BMPR1A: variants seen among roughly 807,000 people sequenced by gnomAD.
BMPR1A encodes the protein bone morphogenetic protein receptor type-1A.
In BMPR1A, 7 loss-of-function variants were observed where a neutral mutation model predicts 66.0. That is an observed-to-expected ratio of 0.11 (90% CI 0.06 to 0.20). The LOEUF is 0.20. BMPR1A is among the 10% of genes least tolerant of loss of function. The pLI is 1.00. For missense variants in BMPR1A, 408 were observed against 669.1 expected, an observed-to-expected ratio of 0.61 and a Z score of 4.31; for synonymous variants, 200 against 229.7, an observed-to-expected ratio of 0.87 and a Z score of 1.17.
chr10:86,770,040 G>A (rs1216566242), intron 1 of BMPR1A, among the ~76,000 whole-genome samples: 2 of 151,922 alleles, frequency 1.3e-5, no homozygotes, highest in East Asian at 1.9e-4. Context: ...ACCTATAATC[G>A]CAGTACTTTG....
At chr10:86,832,673 A>G (rs574980449) in intron 1 of BMPR1A, among the ~76,000 whole-genome samples, 19 of 152,292 alleles carry the variant, frequency 1.2e-4, no homozygotes, top group African/African-American at 4.3e-4. Context: ...AACATACAGT[A>G]TGCAGTATTT....
intron 1 of BMPR1A, among the ~76,000 whole-genome samples, chr10:86,770,660 T>C (rs951268631): frequency 6.6e-6 from 1 of 152,150 alleles, no homozygotes; most frequent in African/African-American, 2.4e-5. Flanking sequence ...GCTAGCTCTC[T>C]TGGACTGGGT....
chr10:86,822,412 G>A (rs1173160939), intron 1 of BMPR1A, among the ~76,000 whole-genome samples: 1 of 152,072 alleles, frequency 6.6e-6, no homozygotes, highest in Non-Finnish European at 1.5e-5. Context: ...CACTTCAATG[G>A]TTTTTAGTAT....
intron 1 of BMPR1A, among the ~76,000 whole-genome samples, chr10:86,792,366 A>C (rs1256738567): frequency 6.6e-6 from 1 of 152,134 alleles, no homozygotes; most frequent in Non-Finnish European, 1.5e-5. Flanking sequence ...TGCCTGGCCT[A>C]CTGTCAGATC....
At chr10:86,876,899 A>C (rs1842927332) in intron 3 of BMPR1A, among the ~76,000 whole-genome samples, 1 of 152,208 alleles carries the variant, frequency 6.6e-6, no homozygotes, top group Non-Finnish European at 1.5e-5. Flanking sequence ...CCAATAAAGT[A>C]ATTTTGCTAC....
intron 1 of BMPR1A, among the ~76,000 whole-genome samples, chr10:86,807,842 C>G (rs1370041543): frequency 1.2e-4 from 18 of 152,228 alleles, no homozygotes; most frequent in Non-Finnish European, 2.5e-4. Context: ...TCTTGGCTCA[C>G]TGCAACCTCT....
chr10:86,872,550 CTT>C (rs1003972777), intron 2 of BMPR1A, among the ~76,000 whole-genome samples: 1 of 151,892 alleles, frequency 6.6e-6, no homozygotes, highest in African/African-American at 2.4e-5. Context: ...GGTTTGATAA[CTT>C]AATATATGCA....
chr10:86,842,053 G>A (rs1030178174), intron 2 of BMPR1A, among the ~76,000 whole-genome samples: 2 of 152,184 alleles, frequency 1.3e-5, no homozygotes, highest in African/African-American at 4.8e-5. Context: ...CCTGAAAAAG[G>A]GGTTGTGGGT....
chr10:86,782,513 T>G (rs1237223569), intron 1 of BMPR1A, among the ~76,000 whole-genome samples: 1 of 152,172 alleles, frequency 6.6e-6, no homozygotes, highest in African/African-American at 2.4e-5. Context: ...TTTTTTTGTT[T>G]TTTGTTTTTT....
At chr10:86,898,436 T>C (rs910963313) in intron 5 of BMPR1A, among the ~76,000 whole-genome samples, 12 of 151,952 alleles carry the variant, frequency 7.9e-5, no homozygotes, top group Non-Finnish European at 5.9e-5. Context: ...TCACCTAGGT[T>C]AGAATATAGG....
chr10:86,806,002 A>G (rs1389262882), intron 1 of BMPR1A, among the ~76,000 whole-genome samples: 1 of 151,660 alleles, frequency 6.6e-6, no homozygotes, highest in African/African-American at 2.4e-5. Flanking sequence ...TTCTCTCTGA[A>G]GCAGTTCCTT....
rs1843758576 is a variant in BMPR1A, at chr10:86,927,202, TCATG to T, written c.*3487_*3490del. ...AAAATGCACTATAGTTTTTAAAGAA[TCATG>T]CATCTTTGGGTTGGCCCAGGATCAA... On this transcript the variant is annotated 3_prime_UTR_variant, in exon 13 of 13. Transcript: ENST00000372037. 5.3e-6 allele frequency: 1 copy of T among 188,514 alleles called. No homozygotes were observed. The highest frequency in any genetic ancestry group is 1.1e-5 in the Non-Finnish European group (1 of 89,520). 11.7% of individuals were successfully genotyped at this position (188,514 alleles called of 1,614,324 possible).
intron 2 of BMPR1A, among the ~76,000 whole-genome samples, chr10:86,871,142 C>T (rs1039956347): frequency 6.6e-6 from 1 of 152,190 alleles, no homozygotes; most frequent in Non-Finnish European, 1.5e-5. Flanking sequence ...CTGACTGACT[C>T]TATTTTTCAG....
downstream of BMPR1A, chr10:86,929,173 A>G (rs1843785279): frequency 1.3e-5 from 2 of 152,098 alleles, no homozygotes; most frequent in African/African-American, 2.4e-5. Context: ...CTTATATTAC[A>G]TTTCTGAAAA....
chr10:86,901,012 C>T (rs1221368143), intron 7 of BMPR1A, among the ~76,000 whole-genome samples: 4 of 152,238 alleles, frequency 2.6e-5, no homozygotes, highest in African/African-American at 9.6e-5. Context: ...TCCAAGTCTA[C>T]GTTATAAACA....
At chr10:86,889,662 C>T (rs1274113402) in intron 3 of BMPR1A, 7 of 228,442 alleles carry the variant, frequency 3.1e-5, no homozygotes, top group Non-Finnish European at 5.2e-5. Flanking sequence ...CTGACCCCTG[C>T]GATTTCCCCA....
intron 1 of BMPR1A, among the ~76,000 whole-genome samples, chr10:86,812,194 C>T (rs1464663804): frequency 1.3e-5 from 2 of 152,170 alleles, no homozygotes; most frequent in Non-Finnish European, 2.9e-5. Flanking sequence ...CCTGCTATCC[C>T]TTTGCAGTCA....
At position 86,924,773 on chromosome 10, in the gene BMPR1A, A is replaced by G. The variant is rs1843716754; in HGVS notation, c.*1054A>G. On this transcript the variant is annotated 3_prime_UTR_variant, in exon 13 of 13. Coordinates refer to ENST00000372037, the MANE Select transcript of BMPR1A (RefSeq NM_004329.3). Reference sequence around the variant, plus strand: ...CTTTACAACCATACTTTATATATGTACATACATTCATACTGTAGAAACCAG... The same window carrying G: ...CTTTACAACCATACTTTATATATGTGCATACATTCATACTGTAGAAACCAG... 1 of 232,690 alleles carries G rather than the reference A, an allele frequency of 4.3e-6. No individual in the cohort carries two copies. The highest frequency in any genetic ancestry group is 5.6e-5 in the Admixed American group (1 of 17,776). The allele number at this position is 232,690 out of a possible 1,614,324, so 14.4% of individuals were successfully genotyped here. A position where few individuals can be genotyped will look rare whatever the true frequency, so the allele number is the denominator to read the frequency against.
intron 7 of BMPR1A, 111 bp downstream of exon 7, chr10:86,900,237 C>T: frequency 9.8e-7 from 1 of 1,020,834 alleles, no homozygotes; most frequent in Non-Finnish European, 1.5e-6. Context: ...GGTTGTATAT[C>T]TCCTTTATGT....
Sources: gnomAD v4.1 joint callset for allele counts (sites outside exome capture counted in the v4.1 genomes callset) on GRCh38, gnomAD v4.1.1 for gene constraint, MANE v1.5 for transcripts, NCBI Gene and HGNC (gene_info 2026-07-23, HGNC 2026-07-21) for gene names.